Variants in FARS2 observed in about 807,000 individuals in gnomAD.
FARS2 encodes the protein phenylalanyl-tRNA synthetase 2, mitochondrial.
In FARS2, 40 loss-of-function variants were observed where a neutral mutation model predicts 46.4. The observed-to-expected ratio is 0.86, with a 90% CI of 0.67 to 1.12. The LOEUF is 1.12. FARS2 is among the 50% of genes most tolerant of loss of function. FARS2 has a pLI of 0.00. For missense variants in FARS2, 513 were observed against 567.9 expected, an observed-to-expected ratio of 0.90 and a Z score of 0.98; for synonymous variants, 234 against 214.9, an observed-to-expected ratio of 1.09 and a Z score of -0.78.
rs554869825 is a variant in FARS2 at position 5,561,191 on chromosome 6, A to G, written c.1065+15851A>G. ...ATAAAGCTGTTGGTAATATTCTCTT[A>G]ATATATTGATTTAAAGAAACACTAT... On this transcript the variant is annotated intron_variant, in intron 5 of 6. Coordinates refer to ENST00000274680, the MANE Select transcript of FARS2 (RefSeq NM_006567.5). Among the ~76,000 whole-genome samples, 16 of 152,322 alleles carry G rather than the reference A, an allele frequency of 1.1e-4. No homozygotes were observed. In the South Asian group the frequency reaches 3.3e-3, roughly 32 times the overall value.
At chr6:5,290,557 A>C (rs930574797) in intron 1 of FARS2, among the ~76,000 whole-genome samples, 1 of 152,242 alleles carries the variant, frequency 6.6e-6, no homozygotes, top group Non-Finnish European at 1.5e-5. Context: ...AAATGTAGAA[A>C]GTAGCTCAGT....
intron 3 of FARS2, among the ~76,000 whole-genome samples, chr6:5,405,753 A>G (rs1582009788): frequency 1.3e-5 from 2 of 151,874 alleles, no homozygotes; most frequent in South Asian, 2.1e-4. Flanking sequence ...CGGCCTCCCA[A>G]AGTGCTGGGA....
At position 5,330,395 on chromosome 6, in the gene FARS2, A is replaced by G. The variant is rs570290866; in HGVS notation, c.-21-38155A>G. Among the ~76,000 whole-genome samples the G allele has an allele frequency of 2.0e-5, 3 of 152,202 alleles. 1 individual carries two copies. The South Asian group carries it at 6.2e-4, about 32-fold the overall frequency. ...CGTATGCTGCTTCTGTGCTGGTGAC[A>G]TCATTTGGCTCAGTGTTATGTATCC... On this transcript the variant is annotated intron_variant, in intron 1 of 6. Coordinates refer to ENST00000274680, the MANE Select transcript of FARS2 (RefSeq NM_006567.5).
chr6:5,691,795 A>G (rs1044104432), intron 6 of FARS2, among the ~76,000 whole-genome samples: 1 of 152,220 alleles, frequency 6.6e-6, no homozygotes, highest in African/African-American at 2.4e-5. Context: ...GGTAGAGTCT[A>G]CAGAGGCAGG....
At chr6:5,272,156 C>T (rs1188070126) in intron 1 of FARS2, among the ~76,000 whole-genome samples, 3 of 152,130 alleles carry the variant, frequency 2.0e-5, no homozygotes, top group Admixed American at 1.3e-4. Context: ...TTAGTCACTT[C>T]GTTGCCTTCT....
chr6:5,709,047 C>T (rs1337353032), intron 6 of FARS2, among the ~76,000 whole-genome samples: 1 of 152,222 alleles, frequency 6.6e-6, no homozygotes, highest in East Asian at 1.9e-4. Context: ...GTAAACAGGT[C>T]TTGAAGAAGC....
chr6:5,453,987 G>A (rs1048883182), intron 4 of FARS2, among the ~76,000 whole-genome samples: 2 of 152,142 alleles, frequency 1.3e-5, no homozygotes, highest in Non-Finnish European at 2.9e-5. Context: ...GGTTTAACAA[G>A]GAGGGATGCT....
At chr6:5,381,949 A>G (rs1759823275) in intron 2 of FARS2, among the ~76,000 whole-genome samples, 1 of 152,214 alleles carries the variant, frequency 6.6e-6, no homozygotes, top group African/African-American at 2.4e-5. Flanking sequence ...CAGGAAATAC[A>G]AAGAGCTGGT....
intron 6 of FARS2, among the ~76,000 whole-genome samples, chr6:5,626,830 T>G (rs1489454695): frequency 6.6e-6 from 1 of 152,242 alleles, no homozygotes. Flanking sequence ...GATTTTGTTA[T>G]GTAAGTATTA....
At chr6:5,269,452 A>C (rs1447007782) in intron 1 of FARS2, among the ~76,000 whole-genome samples, 4 of 110,912 alleles carry the variant, frequency 3.6e-5, no homozygotes, top group Non-Finnish European at 7.7e-5. Context: ...TAGAACTTAA[A>C]GTATAATAAA....
chr6:5,363,867 C>T (rs763867421), intron 1 of FARS2, among the ~76,000 whole-genome samples: 7 of 152,174 alleles, frequency 4.6e-5, no homozygotes, highest in Admixed American at 1.3e-4. Flanking sequence ...TTCTTATATA[C>T]GCTTGTGATA....
chr6:5,511,486 A>G (rs948974619), intron 4 of FARS2, among the ~76,000 whole-genome samples: 2 of 152,260 alleles, frequency 1.3e-5, no homozygotes, highest in African/African-American at 4.8e-5. Context: ...AGTTTCCCAA[A>G]TAATTCCAGG....
At chr6:5,738,703 C>T (rs1005520378) in intron 6 of FARS2, among the ~76,000 whole-genome samples, 3 of 151,440 alleles carry the variant, frequency 2.0e-5, no homozygotes, top group Admixed American at 1.3e-4. Flanking sequence ...GAGTTGGTTA[C>T]GAGTCACGAA....
intron 6 of FARS2, among the ~76,000 whole-genome samples, chr6:5,641,307 A>T (rs894023977): frequency 1.5e-4 from 23 of 151,612 alleles, no homozygotes; most frequent in African/African-American, 5.3e-4. Flanking sequence ...ATTTTATTTT[A>T]TTTTTTTGAG....
At chr6:5,711,615 C>G (rs1370953093) in intron 6 of FARS2, among the ~76,000 whole-genome samples, 1 of 152,128 alleles carries the variant, frequency 6.6e-6, no homozygotes, top group Non-Finnish European at 1.5e-5. Context: ...AAAAAGAATC[C>G]CATAACCCCG....
chr6:5,573,243 A>G (rs761720032), intron 5 of FARS2, among the ~76,000 whole-genome samples: 28 of 152,144 alleles, frequency 1.8e-4, no homozygotes, highest in Non-Finnish European at 3.8e-4. Flanking sequence ...GATTATAGCC[A>G]TGACTCTGTT....
Position 5,346,238 on chromosome 6 carries a change from C to T in FARS2, c.-21-22312C>T, listed in dbSNP as rs1480579097. ...AAACCACTCTGCATATTATAATCAACCATTCTTGAAGAAGACATGAGTACG... is the reference window on the plus strand; with the variant it reads ...AAACCACTCTGCATATTATAATCAATCATTCTTGAAGAAGACATGAGTACG... On this transcript the variant is annotated intron_variant, in intron 1 of 6. Transcript: ENST00000274680. 2.0e-5 allele frequency among the ~76,000 whole-genome samples: 3 copies of T among 152,336 alleles called. No homozygotes were observed. The East Asian group carries it at 5.8e-4, about 29-fold the overall frequency.
At chr6:5,581,608 A>G (rs1231603525) in intron 5 of FARS2, among the ~76,000 whole-genome samples, 8 of 152,138 alleles carry the variant, frequency 5.3e-5, no homozygotes, top group Non-Finnish European at 5.9e-5. Context: ...AACTGCTGTT[A>G]ATGCTGAAGA....
At chr6:5,274,815 A>T (rs889702890) in intron 1 of FARS2, among the ~76,000 whole-genome samples, 1 of 152,132 alleles carries the variant, frequency 6.6e-6, no homozygotes, top group Non-Finnish European at 1.5e-5. Context: ...GGCTCAAGCA[A>T]TCCTTCTGCA....
Sources: allele counts gnomAD v4.1 joint callset (sites outside exome capture counted in the v4.1 genomes callset), GRCh38; gene constraint gnomAD v4.1.1; transcripts MANE v1.5; gene names NCBI Gene and HGNC (gene_info 2026-07-23, HGNC 2026-07-21).